The following CNTLN variants were observed in gnomAD, a reference collection of about 807,000 sequenced individuals.
The protein encoded by CNTLN is centlein, centrosomal protein.
A neutral mutation model predicts 180.0 loss-of-function variants in CNTLN; 212 were observed. That is an observed-to-expected ratio of 1.18 (90% CI 1.05 to 1.32). CNTLN has a LOEUF of 1.32. Among genes scored for constraint, CNTLN ranks in the 40% most tolerant of loss-of-function variants. CNTLN has a pLI of 0.00. For synonymous variants in CNTLN, 722 were observed against 563.1 expected, an observed-to-expected ratio of 1.28 and a Z score of -3.99; for missense variants, 2,095 against 1,610.9, an observed-to-expected ratio of 1.30 and a Z score of -5.14.
At chr9:17,184,165 T>TA (rs1821290455) in intron 2 of CNTLN, among the ~76,000 whole-genome samples, 1 of 152,130 alleles carries the variant, frequency 6.6e-6, no homozygotes, top group Admixed American at 6.5e-5. Context: ...GAAATAGCTT[T>TA]AAAGTATTTG....
intron 2 of CNTLN, among the ~76,000 whole-genome samples, chr9:17,180,072 TTC>T (rs1049069245): frequency 2.0e-5 from 3 of 151,900 alleles, no homozygotes; most frequent in Non-Finnish European, 4.4e-5. Flanking sequence ...TGAAATGAGT[TTC>T]TTTTAGTTAC....
chr9:17,457,041 C>T (rs559446758), intron 18 of CNTLN, among the ~76,000 whole-genome samples: 1 of 152,216 alleles, frequency 6.6e-6, no homozygotes, highest in African/African-American at 2.4e-5. Flanking sequence ...CTCTAACAAG[C>T]CTCGTCTGCT....
intron 23 of CNTLN, among the ~76,000 whole-genome samples, chr9:17,479,913 A>T (rs1288179475): frequency 1.3e-5 from 2 of 152,200 alleles, no homozygotes; most frequent in Non-Finnish European, 2.9e-5. Context: ...GCTTTAAAAG[A>T]TTTAAAAAAT....
intron 5 of CNTLN, among the ~76,000 whole-genome samples, chr9:17,272,780 T>G (rs140518425): frequency 6.6e-6 from 1 of 152,176 alleles, no homozygotes. Flanking sequence ...TTTCCCCTGC[T>G]AAGCATAAAA....
Position 17,135,369 on chromosome 9 carries a change from A to T in CNTLN, c.304A>T (p.Thr102Ser). 1.2e-6 allele frequency: 2 copies of T among 1,600,136 alleles called. No individual in the cohort carries two copies. Among genetic ancestry groups the T allele is most frequent in the Non-Finnish European group, 1.7e-6 (2 of 1,174,310 alleles). ...ISVEEAMVTR[T>S]QLLEEELSSL... The stretch of plus-strand genomic sequence containing the variant: ...GGTAGAGGAGGCGATGGTGACCCGG[A>T]CGCAGCTGCTGGAGGAAGAGCTGAG... The change falls in exon 1 of 26, where the codon ACG becomes TCG. Residue 102 changes from threonine to serine, a missense_variant. Coordinates refer to ENST00000380647, the MANE Select transcript of CNTLN (RefSeq NM_017738.4).
At position 17,499,328 on chromosome 9, in the gene CNTLN, G is replaced by A. The variant is rs149187823; in HGVS notation, c.4120-3223G>A. Among the ~76,000 whole-genome samples, 632 of 152,204 alleles carry A rather than the reference G, an allele frequency of 4.2e-3. 5 individuals carry two copies. Among genetic ancestry groups the A allele is most frequent in the African/African-American group, 0.015 (603 of 41,526 alleles). On this transcript the variant is annotated intron_variant, in intron 25 of 25. Coordinates refer to ENST00000380647, the MANE Select transcript of CNTLN (RefSeq NM_017738.4). Reference sequence around the variant, plus strand: ...TAATTTATGATGTTTAAGAGTTAGCGTGTTATAAGTAATAACTCTCAATTA... The same window carrying A: ...TAATTTATGATGTTTAAGAGTTAGCATGTTATAAGTAATAACTCTCAATTA...
intron 2 of CNTLN, among the ~76,000 whole-genome samples, chr9:17,210,882 G>A (rs1309108157): frequency 1.3e-5 from 2 of 152,032 alleles, no homozygotes; most frequent in Admixed American, 6.6e-5. Flanking sequence ...CATATCCTTT[G>A]CCCACTTTTT....
chr9:17,467,356 A>G (rs1392438059), intron 23 of CNTLN, among the ~76,000 whole-genome samples: 1 of 151,606 alleles, frequency 6.6e-6, no homozygotes, highest in African/African-American at 2.4e-5. Context: ...AAACTCAAGT[A>G]TCTGCAGAGG....
rs897500258 is a variant in CNTLN, at chr9:17,156,489, C to A, written c.449+13113C>A. Among the ~76,000 whole-genome samples, 16 of 152,136 alleles carry A rather than the reference C, an allele frequency of 1.1e-4. 1 individual carries two copies. The highest frequency in any genetic ancestry group is 9.8e-4 in the Admixed American group (15 of 15,282). On this transcript the variant is annotated intron_variant, in intron 2 of 25. Transcript: ENST00000380647. ...GAATATATAGGTTCATTTTTTTCCT[C>A]TTCCATCTTTCTCTTACTCTTTTTT...
At chr9:17,488,557 C>A (rs751430086) in intron 25 of CNTLN, among the ~76,000 whole-genome samples, 16 of 152,028 alleles carry the variant, frequency 1.1e-4, no homozygotes, top group Non-Finnish European at 1.6e-4. Context: ...TAAATCTGTA[C>A]GTGTAAAGCT....
intron 18 of CNTLN, among the ~76,000 whole-genome samples, chr9:17,435,222 G>A (rs1446949425): frequency 6.6e-6 from 1 of 152,098 alleles, no homozygotes; most frequent in East Asian, 1.9e-4. Context: ...CAGTGGTTTT[G>A]TTTTTTGGTT....
chr9:17,236,568 A>T lies in CNTLN; in HGVS notation c.829A>T (p.Ser277Cys). Reference protein sequence around the residue: ...QEAHLRKEKYSTDAKIKTFED... With the variant: ...QEAHLRKEKYCTDAKIKTFED... ...AGCACATTTGAGAAAAGAAAAATAT[A>T]GCACTGATGCAAAAATAAAGGTATA... Residue 277 changes from serine to cysteine, a missense_variant, in exon 5 of 26, where the codon AGC becomes TGC. Transcript: ENST00000380647. 6.2e-7 allele frequency: 1 copy of T among 1,609,060 alleles called. No individual in the cohort carries two copies. Among genetic ancestry groups the T allele is most frequent in the East Asian group, 2.2e-5 (1 of 44,828 alleles).
intron 12 of CNTLN, among the ~76,000 whole-genome samples, chr9:17,350,123 G>A (rs992139135): frequency 3.3e-5 from 5 of 152,208 alleles, no homozygotes; most frequent in South Asian, 2.1e-4. Context: ...AGTAAAAAAA[G>A]TTTGTGTACA....
chr9:17,273,671 G>A, intron 5 of CNTLN, 62 bp from the exon 6 acceptor site: 1 of 797,936 alleles, frequency 1.3e-6, no homozygotes, highest in Non-Finnish European at 1.8e-6. Context: ...AAATATAACA[G>A]ATGTTTTGTT....
At chr9:17,410,140 A>G (rs924833079) in intron 16 of CNTLN, among the ~76,000 whole-genome samples, 6 of 152,162 alleles carry the variant, frequency 3.9e-5, no homozygotes, top group South Asian at 2.1e-4. Context: ...CAGACCAAGA[A>G]TATATGCTAA....
intron 2 of CNTLN, among the ~76,000 whole-genome samples, chr9:17,145,450 A>T (rs1013030276): frequency 1.3e-5 from 2 of 152,234 alleles, no homozygotes; most frequent in African/African-American, 4.8e-5. Context: ...TATTCTAAAT[A>T]TCAAGGTCAA....
At chr9:17,478,601 T>C (rs1832479315) in intron 23 of CNTLN, among the ~76,000 whole-genome samples, 1 of 152,088 alleles carries the variant, frequency 6.6e-6, no homozygotes, top group South Asian at 2.1e-4. Context: ...CTCAAGCGTC[T>C]TCTAGAAATT....
intron 12 of CNTLN, among the ~76,000 whole-genome samples, chr9:17,359,776 T>C (rs1275780326): frequency 2.5e-4 from 30 of 118,966 alleles, no homozygotes; most frequent in African/African-American, 8.5e-4. Context: ...GGCGGGCGCC[T>C]GTAGTCCCAG....
chr9:17,494,072 C>T lies in CNTLN; in HGVS notation c.4119+7006C>T, dbSNP rs1266583807. Among the ~76,000 whole-genome samples, 4 of 152,262 alleles carry T rather than the reference C, an allele frequency of 2.6e-5. No homozygotes were observed. The South Asian group carries it at 6.2e-4, about 24-fold the overall frequency. On this transcript the variant is annotated intron_variant, in intron 25 of 25. Coordinates refer to ENST00000380647, the MANE Select transcript of CNTLN (RefSeq NM_017738.4). ...ATAATGCATGCCAAAATGCATTGTC[C>T]CTTGTAAAAGTGTTTTGTCACCCTT...
Sources: allele counts gnomAD v4.1 joint callset (sites outside exome capture counted in the v4.1 genomes callset), GRCh38; gene constraint gnomAD v4.1.1; transcripts MANE v1.5; gene names NCBI Gene and HGNC (gene_info 2026-07-23, HGNC 2026-07-21).